Variants in DMD observed in about 807,000 individuals in gnomAD.
DMD encodes the protein dystrophin, also known as mutant dystrophin.
In DMD, 63 loss-of-function variants were observed where a neutral mutation model predicts 330.1. The ratio of observed to expected loss-of-function variants is 0.19; its 90% CI spans 0.16 to 0.24. The LOEUF is 0.24. Ranked by LOEUF, DMD falls within the 10% of genes least tolerant of loss-of-function variation. DMD has a pLI of 1.00. For synonymous variants in DMD, 1,223 were observed against 959.8 expected, an observed-to-expected ratio of 1.27 and a Z score of -5.07; for missense variants, 3,344 against 2,684.1, an observed-to-expected ratio of 1.25 and a Z score of -5.43.
intron 11 of DMD, among the ~76,000 whole-genome samples, chrX:32,631,382 G>A (rs1217980621): frequency 9.0e-6 from 1 of 111,632 alleles, no homozygotes; most frequent in African/African-American, 3.3e-5. Context: ...ATCGGCAGGT[G>A]GCAAATCCAA....
At chrX:32,192,859 C>T (rs992639637) in intron 44 of DMD, among the ~76,000 whole-genome samples, 1 of 112,080 alleles carries the variant, frequency 8.9e-6, no homozygotes, top group African/African-American at 3.2e-5. Context: ...TTACTGTTAA[C>T]TTTTATTTTT....
At chrX:33,132,961 T>C (rs1319905233) in intron 1 of DMD, among the ~76,000 whole-genome samples, 2 of 111,835 alleles carry the variant, frequency 1.8e-5, no homozygotes, top group Admixed American at 1.9e-4. Flanking sequence ...AATAATAAGA[T>C]GATAATCACT....
At chrX:32,940,372 C>A (rs1224904270) in intron 2 of DMD, among the ~76,000 whole-genome samples, 3 of 111,588 alleles carry the variant, frequency 2.7e-5, no homozygotes, top group Non-Finnish European at 5.7e-5. Flanking sequence ...ATCAAAACAT[C>A]CCATTATACA....
intron 62 of DMD, among the ~76,000 whole-genome samples, chrX:31,310,199 CT>C (rs1603344229): frequency 1.1e-4 from 8 of 73,367 alleles, no homozygotes; most frequent in Admixed American, 1.4e-4. Flanking sequence ...CTCTCTCTCT[CT>C]CTCTCCATAT....
At chrX:31,540,893 T>C (rs188191254) in intron 55 of DMD, among the ~76,000 whole-genome samples, 165 of 112,284 alleles carry the variant, frequency 1.5e-3, no homozygotes, top group Non-Finnish European at 2.9e-3. Context: ...AAGATCTTAA[T>C]TTCCAAAACT....
intron 59 of DMD, among the ~76,000 whole-genome samples, chrX:31,473,524 A>G (rs2067476386): frequency 9.1e-6 from 1 of 109,450 alleles, no homozygotes; most frequent in African/African-American, 3.3e-5. Context: ...GATCAAGACC[A>G]TCCTGGCCAA....
chrX:31,792,484 C>T (rs761837681), intron 50 of DMD, among the ~76,000 whole-genome samples: 2 of 112,206 alleles, frequency 1.8e-5, no homozygotes, highest in African/African-American at 6.5e-5. Flanking sequence ...AATGAGAAAG[C>T]TGTTTTCTGT....
At chrX:32,407,903 C>T (rs1331806428) in intron 30 of DMD, among the ~76,000 whole-genome samples, 1 of 96,465 alleles carries the variant, frequency 1.0e-5, no homozygotes, top group South Asian at 5.1e-4. Context: ...TGTTCTCACT[C>T]ATAGGTGGGA....
intron 44 of DMD, among the ~76,000 whole-genome samples, chrX:32,124,706 G>A (rs989825723): frequency 2.7e-5 from 3 of 111,346 alleles, no homozygotes; most frequent in African/African-American, 9.8e-5. Context: ...CAAATAACAT[G>A]TAATTACAAA....
chrX:31,914,702 G>C (rs1244138709), intron 47 of DMD, among the ~76,000 whole-genome samples: 4 of 112,101 alleles, frequency 3.6e-5, no homozygotes, highest in Non-Finnish European at 7.5e-5. Context: ...CATGGACATA[G>C]AGAGTAGAAA....
chrX:32,345,901 A>G lies in DMD; in HGVS notation c.5586+42T>C, dbSNP rs200947574. Reference sequence around the variant, plus strand: ...TTATATTTTACCCTATATATTAAAAAAAAACCACAGGCAAGGTATATTATA... The same window carrying G: ...TTATATTTTACCCTATATATTAAAAGAAAACCACAGGCAAGGTATATTATA... On this transcript the variant is annotated intron_variant, in intron 39 of 78. Coordinates refer to ENST00000357033, the MANE Select transcript of DMD (RefSeq NM_004006.3). The G allele has an allele frequency of 6.1e-4, 732 of 1,197,217 alleles. No homozygotes were observed. The highest frequency in any genetic ancestry group is 8.1e-4 in the Non-Finnish European group (715 of 887,094).
chrX:31,306,963 T>G (rs2148137297), intron 62 of DMD, among the ~76,000 whole-genome samples: 1 of 111,391 alleles, frequency 9.0e-6, no homozygotes, highest in South Asian at 3.8e-4. Context: ...TTTTTTCTGA[T>G]GTTTTACTGA....
intron 2 of DMD, among the ~76,000 whole-genome samples, chrX:32,902,242 G>C (rs1230752813): frequency 6.6e-5 from 7 of 106,852 alleles, no homozygotes; most frequent in Non-Finnish European, 9.6e-5. Flanking sequence ...AAAATTTTCA[G>C]GTAAAATGTC....
At chrX:32,535,229 C>T (rs754502641) in intron 17 of DMD, among the ~76,000 whole-genome samples, 1 of 111,524 alleles carries the variant, frequency 9.0e-6, no homozygotes, top group South Asian at 3.8e-4. Context: ...GCAGAAGATG[C>T]ACGGCCAGAA....
intron 4 of DMD, among the ~76,000 whole-genome samples, chrX:32,836,911 C>G (rs979915709): frequency 3.6e-5 from 4 of 111,732 alleles, no homozygotes; most frequent in Non-Finnish European, 7.5e-5. Flanking sequence ...TTTCCTAAGC[C>G]TTTAACAAGT....
chrX:32,567,675 G>A (rs1242931054), intron 15 of DMD, among the ~76,000 whole-genome samples: 1 of 112,586 alleles, frequency 8.9e-6, no homozygotes, highest in Non-Finnish European at 1.9e-5. Flanking sequence ...GGGATTACAG[G>A]CATGAGCCAC....
At position 33,329,882 on chromosome X, in the gene DMD, G is replaced by A. The variant is rs560145511; in HGVS notation, c.7+9377C>T. On this transcript the variant is annotated intron_variant, in intron 1 of 17. Transcript: ENST00000288447. Reference sequence around the variant, plus strand: ...TGAAGCTGGACACCTATTGATTTGTGAACTTTTATATATTCGTGTTATAGT... The same window carrying A: ...TGAAGCTGGACACCTATTGATTTGTAAACTTTTATATATTCGTGTTATAGT... Among the ~76,000 whole-genome samples, 8 of 111,225 alleles carry A rather than the reference G, an allele frequency of 7.2e-5. No individual in the cohort carries two copies. In the South Asian group the frequency reaches 3.0e-3, roughly 42 times the overall value.
intron 11 of DMD, among the ~76,000 whole-genome samples, chrX:32,623,321 C>T (rs1365986928): frequency 9.0e-6 from 1 of 111,118 alleles, no homozygotes; most frequent in Non-Finnish European, 1.9e-5. Context: ...GAAGGAGGCA[C>T]TGATATCAGA....
chrX:32,308,898 G>T (rs1210059093), intron 42 of DMD, among the ~76,000 whole-genome samples: 3 of 111,001 alleles, frequency 2.7e-5, no homozygotes, highest in South Asian at 7.4e-4. Flanking sequence ...TACAAACTAT[G>T]CTGCCATGAG....
Sources: gnomAD v4.1 joint callset for allele counts (sites outside exome capture counted in the v4.1 genomes callset) on GRCh38, gnomAD v4.1.1 for gene constraint, MANE v1.5 for transcripts, NCBI Gene and HGNC (gene_info 2026-07-23, HGNC 2026-07-21) for gene names.